Variants in RPS6KC1 observed in about 807,000 individuals in gnomAD.
RPS6KC1 encodes ribosomal protein S6 kinase C1, also known as inactive ribosomal protein S6 kinase delta-1.
Under a neutral mutation model 103.8 loss-of-function variants are expected in RPS6KC1, and 54 were observed. That is an observed-to-expected ratio of 0.52 (90% CI 0.42 to 0.65). RPS6KC1 has a LOEUF of 0.65. Ranked by LOEUF, RPS6KC1 falls within the 30% of genes least tolerant of loss-of-function variation. RPS6KC1 has a pLI of 0.00. For missense variants in RPS6KC1, 1,151 were observed against 1,253.8 expected, an observed-to-expected ratio of 0.92 and a Z score of 1.24; for synonymous variants, 439 against 438.7, an observed-to-expected ratio of 1.00 and a Z score of -0.01.
At position 213,168,715 on chromosome 1, in the gene RPS6KC1, C is replaced by T. The variant is rs1463760323; in HGVS notation, c.951+742C>T. On this transcript the variant is annotated intron_variant, in intron 7 of 14. Transcript: ENST00000366960. ...TAGGCTCACTGCAAGCTCCGCCTCC[C>T]GGGTTCACGCCATTCTCCTGCCTCA... Among the ~76,000 whole-genome samples, 7 of 152,094 alleles carry T rather than the reference C, an allele frequency of 4.6e-5. No homozygotes were observed. The East Asian group carries it at 5.8e-4, about 13-fold the overall frequency.
At chr1:213,061,014 C>T (rs767183583) in intron 1 of RPS6KC1, among the ~76,000 whole-genome samples, 14 of 152,046 alleles carry the variant, frequency 9.2e-5, no homozygotes, top group African/African-American at 3.1e-4. Flanking sequence ...GATGAGGGCC[C>T]GCTTCCTGAT....
At chr1:213,526,398 T>C in the RPS6KC1 span, among the ~76,000 whole-genome samples, 1 of 152,140 alleles carries the variant, frequency 6.6e-6, no homozygotes, top group Non-Finnish European at 1.5e-5. Context: ...GCTTGGTTAA[T>C]CAAGAACTTA....
At chr1:213,853,608 A>T in the RPS6KC1 span, among the ~76,000 whole-genome samples, 12 of 152,202 alleles carry the variant, frequency 7.9e-5, no homozygotes, top group Admixed American at 7.9e-4. Context: ...TGTTTCAATG[A>T]TGCCTATGAC....
At chr1:213,385,233 A>G in the RPS6KC1 span, among the ~76,000 whole-genome samples, 1 of 152,226 alleles carries the variant, frequency 6.6e-6, no homozygotes, top group South Asian at 2.1e-4. Flanking sequence ...GTGTGGCAGC[A>G]AATTGGGCAC....
the RPS6KC1 span, among the ~76,000 whole-genome samples, chr1:213,760,525 C>T: frequency 6.6e-6 from 1 of 152,178 alleles, no homozygotes; most frequent in Non-Finnish European, 1.5e-5. Context: ...GCAAGCTTTG[C>T]TTCTGCTTTC....
chr1:213,812,658 C>G, the RPS6KC1 span, among the ~76,000 whole-genome samples: 9 of 152,080 alleles, frequency 5.9e-5, no homozygotes, highest in African/African-American at 1.7e-4. Context: ...GATATTTATT[C>G]CCAGATAAAT....
chr1:213,062,657 A>G (rs1006779410), intron 1 of RPS6KC1, among the ~76,000 whole-genome samples: 35 of 151,940 alleles, frequency 2.3e-4, no homozygotes, highest in African/African-American at 8.2e-4. Flanking sequence ...CCCGGGTTCA[A>G]GGTATTCTCC....
chr1:213,547,147 A>C, the RPS6KC1 span, among the ~76,000 whole-genome samples: 61 of 152,284 alleles, frequency 4.0e-4, no homozygotes, highest in Non-Finnish European at 7.2e-4. Flanking sequence ...TACCATTTTC[A>C]TCACATCATA....
At chr1:213,706,256 G>A in the RPS6KC1 span, among the ~76,000 whole-genome samples, 1 of 152,170 alleles carries the variant, frequency 6.6e-6, no homozygotes. Flanking sequence ...CAGAACTTAA[G>A]TTCTGATTGC....
chr1:213,237,553 T>C (rs1395583873), intron 10 of RPS6KC1, among the ~76,000 whole-genome samples: 2 of 152,084 alleles, frequency 1.3e-5, no homozygotes, highest in Non-Finnish European at 2.9e-5. Context: ...GAATTATATG[T>C]AGGACAGATT....
chr1:213,331,355 T>G, the RPS6KC1 span, among the ~76,000 whole-genome samples: 4,267 of 152,264 alleles, frequency 0.028, 193 homozygotes, highest in African/African-American at 0.096. Flanking sequence ...TGAGTACTTT[T>G]CTCTAGTTGG....
the RPS6KC1 span, among the ~76,000 whole-genome samples, chr1:213,835,601 G>A: frequency 6.6e-6 from 1 of 152,152 alleles, no homozygotes; most frequent in Non-Finnish European, 1.5e-5. Context: ...CTGCACAGAG[G>A]AATAGCATGA....
In RPS6KC1 at chr1:213,180,809, G is replaced by A. The variant is rs187673118; in HGVS notation, c.1044+4317G>A. Among the ~76,000 whole-genome samples, 3 of 152,124 alleles carry A rather than the reference G, an allele frequency of 2.0e-5. No homozygotes were observed. In the East Asian group the frequency reaches 5.8e-4, roughly 29 times the overall value. On this transcript the variant is annotated intron_variant, in intron 8 of 14. Transcript: ENST00000366960. The stretch of plus-strand genomic sequence containing the variant: ...TTATATTTGTATGTGTATAAAGATT[G>A]TTTATATATGGTAATTTGTAATTGG...
At chr1:213,617,509 G>A in the RPS6KC1 span, among the ~76,000 whole-genome samples, 1 of 152,186 alleles carries the variant, frequency 6.6e-6, no homozygotes, top group Admixed American at 6.5e-5. Flanking sequence ...CTGTATTGGG[G>A]ACACAAGCCA....
At chr1:213,519,289 A>G in the RPS6KC1 span, among the ~76,000 whole-genome samples, 1 of 152,008 alleles carries the variant, frequency 6.6e-6, no homozygotes, top group South Asian at 2.1e-4. Context: ...AAAGATAAGA[A>G]CCTGTTGGTA....
At chr1:213,583,372 A>G in the RPS6KC1 span, among the ~76,000 whole-genome samples, 1 of 152,194 alleles carries the variant, frequency 6.6e-6, no homozygotes, top group African/African-American at 2.4e-5. Context: ...TCCTATTGCA[A>G]ACAGTGTAGG....
At chr1:213,837,628 T>C in the RPS6KC1 span, among the ~76,000 whole-genome samples, 1 of 152,180 alleles carries the variant, frequency 6.6e-6, no homozygotes, top group Admixed American at 6.5e-5. Context: ...AAGGCATTAA[T>C]AGAGCAGGCA....
At chr1:213,421,797 A>G in the RPS6KC1 span, among the ~76,000 whole-genome samples, 2 of 152,210 alleles carry the variant, frequency 1.3e-5, no homozygotes, top group Admixed American at 6.5e-5. Flanking sequence ...GCTTGCAGAT[A>G]AAGGTGCTCA....
chr1:213,622,531 TC>T, the RPS6KC1 span, among the ~76,000 whole-genome samples: 1 of 152,012 alleles, frequency 6.6e-6, no homozygotes, highest in African/African-American at 2.4e-5. Flanking sequence ...TCCCTGCCCC[TC>T]CCGCTCCAGT....
Sources: gnomAD v4.1 joint callset for allele counts (sites outside exome capture counted in the v4.1 genomes callset) on GRCh38, gnomAD v4.1.1 for gene constraint, MANE v1.5 for transcripts, NCBI Gene and HGNC (gene_info 2026-07-23, HGNC 2026-07-21) for gene names.